ZNF41: variants seen among roughly 807,000 people sequenced by gnomAD.
ZNF41 encodes zinc finger protein 41.
Under a neutral mutation model 9.3 loss-of-function variants are expected in ZNF41, and 6 were observed. The observed-to-expected ratio is 0.65, with a 90% CI of 0.35 to 1.28. The LOEUF (loss-of-function observed/expected upper bound fraction) is 1.28. ZNF41 is among the 50% of genes most tolerant of loss of function. The pLI is 0.03. For synonymous variants in ZNF41, 192 were observed against 207.1 expected (o/e 0.93, Z 0.63); for missense variants, 523 against 585.8 (o/e 0.89, Z 1.11).
chrX:47,467,403 T>A lies in ZNF41; in HGVS notation c.72+7A>T. On this transcript the variant is annotated splice_region_variant and intron_variant, in intron 2 of 4. Transcript: ENST00000684689. ...ATTCTTGCCTCTGGGGTCCTCTCCC[T>A]CCTCACCTCACATGAGCTGCCACGT... 1 of 1,180,616 alleles carries A rather than the reference T, an allele frequency of 8.5e-7. No individual in the cohort carries two copies. The highest frequency in any genetic ancestry group is 1.1e-6 in the Non-Finnish European group (1 of 878,729).
intron 4 of ZNF41, among the ~76,000 whole-genome samples, chrX:47,453,624 G>A: frequency 1.8e-5 from 2 of 112,233 alleles, no homozygotes; most frequent in Non-Finnish European, 3.8e-5. Context: ...AGGTAATGGA[G>A]AACAATTGTA....
intron 2 of ZNF41, among the ~76,000 whole-genome samples, chrX:47,457,363 T>C (rs923280334): frequency 9.1e-6 from 1 of 110,239 alleles, no homozygotes; most frequent in South Asian, 3.9e-4. Context: ...TGAGCCGAGA[T>C]TGTATCATTG....
At chrX:47,472,636 G>A (rs1436813142) in intron 1 of ZNF41, among the ~76,000 whole-genome samples, 1 of 109,392 alleles carries the variant, frequency 9.1e-6, no homozygotes, top group East Asian at 2.9e-4. Context: ...ATGGGGTTTC[G>A]CCATGTTGGG....
chrX:47,458,375 T>C (rs938334704), intron 2 of ZNF41, among the ~76,000 whole-genome samples: 3 of 111,916 alleles, frequency 2.7e-5, no homozygotes, highest in Non-Finnish European at 5.6e-5. Flanking sequence ...GATTAAGAAA[T>C]GGTAACTAAA....
chrX:47,479,882 G>A (rs768584772), intron 1 of ZNF41, among the ~76,000 whole-genome samples: 37 of 111,655 alleles, frequency 3.3e-4, no homozygotes, highest in Non-Finnish European at 6.8e-4. Flanking sequence ...AGATCACGAG[G>A]TCAGGAGTTT....
At chrX:47,462,582 T>C (rs2056837433) in intron 2 of ZNF41, among the ~76,000 whole-genome samples, 1 of 111,067 alleles carries the variant, frequency 9.0e-6, no homozygotes, top group Non-Finnish European at 1.9e-5. Flanking sequence ...TGTGCTAGTC[T>C]ACCTGACTGT....
chrX:47,470,882 A>T (rs1195804640), intron 1 of ZNF41, among the ~76,000 whole-genome samples: 1 of 111,796 alleles, frequency 8.9e-6, no homozygotes, highest in Non-Finnish European at 1.9e-5. Flanking sequence ...GCTAAAAAAC[A>T]AAATATAGTT....
At chrX:47,457,012 C>G (rs1035493529) in intron 2 of ZNF41, among the ~76,000 whole-genome samples, 1 of 111,864 alleles carries the variant, frequency 8.9e-6, no homozygotes, top group Non-Finnish European at 1.9e-5. Flanking sequence ...TAGAGATATA[C>G]TAGCATCAGA....
Position 47,448,496 on chromosome X carries a change from G to T in ZNF41, c.1274C>A (p.Ala425Glu), listed in dbSNP as rs144790101. 1 of 1,209,328 alleles carries T rather than the reference G, an allele frequency of 8.3e-7. No homozygotes were observed. The highest frequency in any genetic ancestry group is 1.1e-6 in the Non-Finnish European group (1 of 895,138). ...ECGKAFTRKS[A>E]LRMHQRIHTG... ...GTGGATTCTCTGATGCATCCTGAGT[G>T]CTGATTTTCTTGTGAAAGCCTTCCC... The change falls in exon 5 of 5, where the codon GCA becomes GAA. Residue 425 changes from alanine to glutamate, a missense_variant. Ala to Glu is a moderately radical substitution (Grantham distance 107). Transcript: ENST00000684689.
chrX:47,459,764 A>AAAAAAAAAAAAAAAAAG (rs1456368840), intron 2 of ZNF41, among the ~76,000 whole-genome samples: 1 of 101,122 alleles, frequency 9.9e-6, no homozygotes, highest in African/African-American at 4.1e-5. Flanking sequence ...AAAAAAAAAA[A>AAAAAAAAAAAAAAAAAG]AAAGAAAGAA....
In ZNF41 at chrX:47,456,406, G is replaced by A. The variant is rs373062564; in HGVS notation, c.73-8C>T. On this transcript the variant is annotated splice_polypyrimidine_tract_variant and splice_region_variant and intron_variant, in intron 2 of 4. Transcript: ENST00000684689. The stretch of plus-strand genomic sequence containing the variant: ...CTCAAATGACACTGAAGCCTGTAAC[G>A]ACACAATGCTGTTCAAGGCAGCATG... The A allele has an allele frequency of 8.3e-5, 100 of 1,209,477 alleles. No homozygotes were observed. In the African/African-American group the frequency reaches 1.5e-3, roughly 18 times the overall value.
Position 47,449,396 on chromosome X carries a change from A to C in ZNF41, c.374T>G (p.Ile125Arg), listed in dbSNP as rs17147624. Reference protein sequence around the residue: ...FFHCERFDQPIGEDSLCSILE... With the variant: ...FFHCERFDQPRGEDSLCSILE... ...AATAGAACATAATGAATCTTCTCCT[A>C]TGGGTTGATCAAATCTCTCACAGTG... The change falls in exon 5 of 5, where the codon ATA becomes AGA. Residue 125 changes from isoleucine (I) to arginine (R), a missense_variant. Physicochemically the swap from Ile to Arg is moderately conservative, Grantham distance 97 (BLOSUM62 -3). Transcript: ENST00000684689. 0.03 allele frequency: 36,324 copies of C among 1,208,757 alleles called. 456 individuals carry two copies. The highest frequency in any genetic ancestry group is 0.069 in the African/African-American group (3,936 of 57,031).
At chrX:47,477,318 A>G (rs1465361425) in intron 1 of ZNF41, among the ~76,000 whole-genome samples, 1 of 109,177 alleles carries the variant, frequency 9.2e-6, no homozygotes, top group Non-Finnish European at 1.9e-5. Flanking sequence ...TAGTTTTTGT[A>G]TTTTTAATAG....
At chrX:47,476,009 A>G in intron 1 of ZNF41, among the ~76,000 whole-genome samples, 1 of 111,459 alleles carries the variant, frequency 9.0e-6, no homozygotes. Flanking sequence ...AATACAAATC[A>G]AGATAGGAAC....
Position 47,448,225 on chromosome X carries a change from T to C in ZNF41, c.1545A>G (p.Lys515=), listed in dbSNP as rs398124548. The change falls in exon 5 of 5, where the codon AAA becomes AAG. Residue 515 remains lysine (K), a synonymous_variant. Transcript: ENST00000684689. ...TATAGGGTTTTTCCCCAGTATGAGT[T>C]TTCTGATGTGTGGTGAGGTTTGTCC... ...THRTNLTTHQ[K]THTGEKPYMC... 26 of 1,209,889 alleles carry C rather than the reference T, an allele frequency of 2.1e-5. No homozygotes were observed. The highest frequency in any genetic ancestry group is 7.0e-5 in the African/African-American group (4 of 57,153).
chrX:47,466,631 C>G (rs2056998264), intron 2 of ZNF41, among the ~76,000 whole-genome samples: 1 of 111,325 alleles, frequency 9.0e-6, no homozygotes, highest in African/African-American at 3.3e-5. Flanking sequence ...TCTCCTCCTG[C>G]CTCAGCCTCC....
At chrX:47,466,653 G>A (rs1345202083) in intron 2 of ZNF41, among the ~76,000 whole-genome samples, 1 of 111,240 alleles carries the variant, frequency 9.0e-6, no homozygotes, top group African/African-American at 3.3e-5. Flanking sequence ...AAGTAGCTGG[G>A]ATTACAGGCA....
At chrX:47,464,848 CA>C (rs1208369087) in intron 2 of ZNF41, among the ~76,000 whole-genome samples, 2 of 112,029 alleles carry the variant, frequency 1.8e-5, no homozygotes, top group Non-Finnish European at 3.8e-5. Flanking sequence ...ACCTTTGACT[CA>C]AAAACATAAT....
chrX:47,455,676 G>A (rs1022437177), intron 4 of ZNF41, among the ~76,000 whole-genome samples: 1 of 112,066 alleles, frequency 8.9e-6, no homozygotes, highest in Non-Finnish European at 1.9e-5. Flanking sequence ...GTGATACAGA[G>A]TACAGAGACT....
Sources: allele counts gnomAD v4.1 joint callset (sites outside exome capture counted in the v4.1 genomes callset), GRCh38; gene constraint gnomAD v4.1.1; transcripts MANE v1.5; gene names NCBI Gene and HGNC (gene_info 2026-07-23, HGNC 2026-07-21).